FKBP6: variants seen among roughly 807,000 people sequenced by gnomAD.
FKBP6 encodes the protein FKBP prolyl isomerase family member 6 (inactive).
FKBP6 carries 29 observed loss-of-function variants against 41.7 expected under a neutral mutation model. The ratio of observed to expected loss-of-function variants is 0.70; its 90% CI spans 0.52 to 0.95. The LOEUF (loss-of-function observed/expected upper bound fraction) is 0.95, where lower values mean the gene tolerates loss of function less well. Among genes scored for constraint, FKBP6 ranks in the 40% least tolerant of loss-of-function variants. FKBP6 has a pLI of 0.00. For missense variants in FKBP6, 338 were observed against 408.7 expected (o/e 0.83, Z 1.49); for synonymous variants, 130 against 165.1 (o/e 0.79, Z 1.63).
chr7:73,336,979 T>A (rs1805024615), intron 5 of FKBP6: 2 of 332,042 alleles, frequency 6.0e-6, no homozygotes, highest in Admixed American at 8.1e-5. Context: ...GAAAAAAATT[T>A]AAACCAAGGA....
intron 6 of FKBP6, among the ~76,000 whole-genome samples, 154 bp downstream of exon 6, chr7:73,340,986 C>A (rs1316944643): frequency 6.8e-6 from 1 of 146,814 alleles, no homozygotes; most frequent in Non-Finnish European, 1.5e-5. Flanking sequence ...TGCAGTGGCG[C>A]AAATTCGGCT....
chr7:73,348,074 T>C (rs1267251696), intron 8 of FKBP6, among the ~76,000 whole-genome samples: 1 of 152,218 alleles, frequency 6.6e-6, no homozygotes, highest in African/African-American at 2.4e-5. Flanking sequence ...AATTCCTCTA[T>C]ACTATTTCTT....
In FKBP6 at chr7:73,333,276, A is replaced by AC. The variant is rs1323103248; in HGVS notation, c.588+1500_588+1501insC. Among the ~76,000 whole-genome samples the AC allele has an allele frequency of 5.4e-4, 80 of 148,060 alleles. 1 individual carries two copies. In the South Asian group the frequency reaches 0.016, roughly 30 times the overall value. On this transcript the variant is annotated intron_variant, in intron 5 of 8. Coordinates refer to ENST00000252037, the MANE Select transcript of FKBP6 (RefSeq NM_003602.5). ...ACAGGGCAAGATTCTGTCTCCAAAAAAAAAAAAAACAAAACACCACACATG... is the reference window on the plus strand; with the variant it reads ...ACAGGGCAAGATTCTGTCTCCAAAAACAAAAAAAAACAAAACACCACACATG...
At chr7:73,345,765 G>T (rs1805316276) in intron 8 of FKBP6, among the ~76,000 whole-genome samples, 1 of 152,216 alleles carries the variant, frequency 6.6e-6, no homozygotes, top group Admixed American at 6.5e-5. Flanking sequence ...AGATTTACCA[G>T]TCAAATGTCC....
intron 5 of FKBP6, among the ~76,000 whole-genome samples, chr7:73,336,095 A>T (rs1205887210): frequency 6.6e-6 from 1 of 152,082 alleles, no homozygotes; most frequent in Non-Finnish European, 1.5e-5. Flanking sequence ...ACCAATACCT[A>T]TGGTCTGAAT....
chr7:73,357,628 G>T (rs1445335613), intron 8 of FKBP6, among the ~76,000 whole-genome samples: 2 of 152,036 alleles, frequency 1.3e-5, no homozygotes, highest in Non-Finnish European at 2.9e-5. Flanking sequence ...AAAGGGGTCT[G>T]TTCCTGACAC....
In FKBP6 at chr7:73,330,244, G is replaced by C; in HGVS notation, c.360G>C (p.Thr120=). Residue 120 remains threonine (T), a synonymous_variant, in exon 4 of 9, where the codon ACG becomes ACC. Transcript: ENST00000252037. ...TCAAACCGAACTACGCCTATGGAAC[G>C]CTGGGCTGCCCTCCCTTGATCCCCC... The part of the protein sequence containing the change: ...FLFKPNYAYG[T]LGCPPLIPPN... The C allele has an allele frequency of 6.2e-7, 1 of 1,613,860 alleles. No homozygotes were observed.
At chr7:73,347,683 C>T (rs1438945400) in intron 8 of FKBP6, among the ~76,000 whole-genome samples, 3 of 152,212 alleles carry the variant, frequency 2.0e-5, no homozygotes, top group African/African-American at 7.2e-5. Flanking sequence ...CTCGCTCTGT[C>T]ACCCAGGCTG....
Position 73,340,713 on chromosome 7 carries a change from C to G in FKBP6, c.664C>G (p.Leu222Val). Reference protein sequence around the residue: ...HLVEAAKLPVLLNLSFTYLKL... With the variant: ...HLVEAAKLPVVLNLSFTYLKL... Reference sequence around the variant, plus strand: ...GGTGGAGGCCGCCAAGCTTCCTGTTCTCCTGAACCTGTCCTTTACATACCT... The same window carrying G: ...GGTGGAGGCCGCCAAGCTTCCTGTTGTCCTGAACCTGTCCTTTACATACCT... Residue 222 changes from leucine (L) to valine (V), a missense_variant, in exon 6 of 9, where the codon CTC becomes GTC. Coordinates refer to ENST00000252037, the MANE Select transcript of FKBP6 (RefSeq NM_003602.5). 6.2e-7 allele frequency: 1 copy of G among 1,613,982 alleles called. No homozygotes were observed. Among genetic ancestry groups the G allele is most frequent in the South Asian group, 1.1e-5 (1 of 91,072 alleles).
At position 73,350,110 on chromosome 7, in the gene FKBP6, G is replaced by T. The variant is rs147776214; in HGVS notation, c.*2+7211G>T. Among the ~76,000 whole-genome samples, 430 of 152,198 alleles carry T rather than the reference G, an allele frequency of 2.8e-3. 2 individuals are homozygous for T. The highest frequency in any genetic ancestry group is 3.9e-3 in the Non-Finnish European group (267 of 68,010). On this transcript the variant is annotated intron_variant, in intron 8 of 8. Transcript: ENST00000252037. ...TGTCACAGTCCACCCCCTGCTGTCC[G>T]GCCACAGACCCCTTAATAGCAAAAC...
At position 73,351,909 on chromosome 7, in the gene FKBP6, A is replaced by C. The variant is rs538766481; in HGVS notation, c.*3-6272A>C. The stretch of plus-strand genomic sequence containing the variant: ...CCTCAGTTTCATCTCTTGCTATGAC[A>C]TTAGCCAAGTCATTTCACCTCTCTG... On this transcript the variant is annotated intron_variant, in intron 8 of 8. Coordinates refer to ENST00000252037, the MANE Select transcript of FKBP6 (RefSeq NM_003602.5). Among the ~76,000 whole-genome samples, 8 of 152,330 alleles carry C rather than the reference A, an allele frequency of 5.3e-5. No homozygotes were observed. The East Asian group carries it at 1.5e-3, about 29-fold the overall frequency.
chr7:73,355,583 C>G (rs1041702783), intron 8 of FKBP6, among the ~76,000 whole-genome samples: 1 of 151,430 alleles, frequency 6.6e-6, no homozygotes, highest in Non-Finnish European at 1.5e-5. Flanking sequence ...TCAAAACTTT[C>G]TTTTTTCACT....
intron 8 of FKBP6, among the ~76,000 whole-genome samples, chr7:73,344,591 C>A (rs1178253784): frequency 8.4e-5 from 1 of 11,918 alleles, no homozygotes; most frequent in East Asian, 4.4e-3. Context: ...CTAACCAGGA[C>A]AATTTTTTTT....
chr7:73,354,757 T>G (rs1805581885), intron 8 of FKBP6, among the ~76,000 whole-genome samples: 2 of 152,154 alleles, frequency 1.3e-5, no homozygotes, highest in Non-Finnish European at 2.9e-5. Context: ...TGATCAGTGT[T>G]TTTGAAGGGC....
chr7:73,332,193 C>T (rs537110344), intron 5 of FKBP6, among the ~76,000 whole-genome samples: 2 of 152,216 alleles, frequency 1.3e-5, no homozygotes, highest in Admixed American at 1.3e-4. Context: ...TTTCTCCCTA[C>T]TTTCTATGAG....
intron 8 of FKBP6, among the ~76,000 whole-genome samples, chr7:73,344,469 G>A (rs1200409165): frequency 2.6e-5 from 4 of 152,202 alleles, no homozygotes; most frequent in Admixed American, 2.6e-4. Flanking sequence ...GTTGTGATAA[G>A]TTTTAGCTTT....
intron 3 of FKBP6, 153 bp downstream of exon 3, chr7:73,329,602 T>C (rs1424337964): frequency 1.6e-5 from 11 of 697,798 alleles, no homozygotes; most frequent in Admixed American, 2.2e-5. Flanking sequence ...TCTCTCCCCT[T>C]GAGACCTAGG....
At chr7:73,345,852 C>T (rs1334647055) in intron 8 of FKBP6, among the ~76,000 whole-genome samples, 2 of 152,054 alleles carry the variant, frequency 1.3e-5, no homozygotes, top group African/African-American at 2.4e-5. Flanking sequence ...CATCTGTTCC[C>T]GGGCCACTCC....
intron 8 of FKBP6, among the ~76,000 whole-genome samples, chr7:73,355,832 C>T (rs574212479): frequency 3.3e-5 from 5 of 151,884 alleles, no homozygotes; most frequent in South Asian, 2.1e-4. Flanking sequence ...TTTGGGAGGC[C>T]GAAGCAGGCA....
Sources: gnomAD v4.1 joint callset for allele counts (sites outside exome capture counted in the v4.1 genomes callset) on GRCh38, gnomAD v4.1.1 for gene constraint, MANE v1.5 for transcripts, NCBI Gene and HGNC (gene_info 2026-07-23, HGNC 2026-07-21) for gene names.